The following RNF180 variants were observed in gnomAD, a reference collection of about 807,000 sequenced individuals.
The protein encoded by RNF180 is ring finger protein 180, also known as E3 ubiquitin-protein ligase RNF180.
A neutral mutation model predicts 59.2 loss-of-function variants in RNF180; 38 were observed. The ratio of observed to expected loss-of-function variants is 0.64; its 90% CI spans 0.50 to 0.84. The LOEUF is 0.84. Among genes scored for constraint, RNF180 ranks in the 40% least tolerant of loss-of-function variants. The pLI, the probability that RNF180 is intolerant of heterozygous loss-of-function variation, is 0.00. For synonymous variants in RNF180, 262 were observed against 240.3 expected (o/e 1.09, Z -0.84); for missense variants, 705 against 700.9 (o/e 1.01, Z -0.07).
At chr5:64,221,597 T>G (rs771956014) in intron 5 of RNF180, among the ~76,000 whole-genome samples, 1 of 152,168 alleles carries the variant, frequency 6.6e-6, no homozygotes, top group South Asian at 2.1e-4. Flanking sequence ...TGCAGTCAAG[T>G]TAAATAAATA....
chr5:64,244,291 T>C (rs765122386), intron 5 of RNF180, among the ~76,000 whole-genome samples: 1 of 151,928 alleles, frequency 6.6e-6, no homozygotes, highest in Non-Finnish European at 1.5e-5. Context: ...TAACAAACTC[T>C]TCCAAGCTAA....
chr5:64,231,990 T>C (rs1201722089), intron 5 of RNF180, among the ~76,000 whole-genome samples: 1 of 152,108 alleles, frequency 6.6e-6, no homozygotes, highest in African/African-American at 2.4e-5. Context: ...ACTTAGATTT[T>C]ATTACAGTTT....
chr5:64,321,889 G>GA (rs1332894274), intron 5 of RNF180, among the ~76,000 whole-genome samples: 1 of 152,152 alleles, frequency 6.6e-6, no homozygotes, highest in Non-Finnish European at 1.5e-5. Flanking sequence ...CGACAAACCT[G>GA]ATAAAAACAA....
At chr5:64,354,680 C>G (rs1405272074) in intron 7 of RNF180, among the ~76,000 whole-genome samples, 1 of 151,588 alleles carries the variant, frequency 6.6e-6, no homozygotes, top group East Asian at 1.9e-4. Flanking sequence ...AATATAAATG[C>G]AAAAATTCTC....
Position 64,372,305 on chromosome 5 carries a change from G to C in RNF180, c.*2491G>C, listed in dbSNP as rs1224581403. ...TTTATTTTATACTCAGCAGAAGACA[G>C]GGAAATTTAAATTAGACAAAGTTGA... is the stretch of plus-strand genomic sequence containing the variant. On this transcript the variant is annotated 3_prime_UTR_variant, in exon 8 of 8. Coordinates refer to ENST00000389100, the MANE Select transcript of RNF180 (RefSeq NM_001113561.2). The C allele has an allele frequency of 6.6e-6, 1 of 151,528 alleles. No homozygotes were observed. Among genetic ancestry groups the C allele is most frequent in the Non-Finnish European group, 1.5e-5 (1 of 67,780 alleles). 9.4% of individuals were successfully genotyped at this position (151,528 alleles called of 1,614,324 possible).
At chr5:64,247,430 T>A (rs921029263) in intron 5 of RNF180, among the ~76,000 whole-genome samples, 1 of 152,118 alleles carries the variant, frequency 6.6e-6, no homozygotes, top group Non-Finnish European at 1.5e-5. Flanking sequence ...GGATACAAAA[T>A]CAATGTGCAA....
At chr5:64,186,881 C>T (rs975742518) in intron 1 of RNF180, among the ~76,000 whole-genome samples, 1 of 152,150 alleles carries the variant, frequency 6.6e-6, no homozygotes, top group Non-Finnish European at 1.5e-5. Flanking sequence ...TTTTGTACAA[C>T]TCTCTTAATT....
chr5:64,315,220 A>C (rs931772872), intron 5 of RNF180, among the ~76,000 whole-genome samples: 1 of 152,212 alleles, frequency 6.6e-6, no homozygotes, highest in East Asian at 1.9e-4. Context: ...GTAAGCAAAA[A>C]CAAATTTTAC....
At position 64,165,860 on chromosome 5, in the gene RNF180, G is replaced by GC. The variant is rs1486245715; in HGVS notation, c.-92dup. On this transcript the variant is annotated 5_prime_UTR_variant, in exon 1 of 8. Coordinates refer to ENST00000389100, the MANE Select transcript of RNF180 (RefSeq NM_001113561.2). ...GTCTCGCCGAACCGGCATCGCCGCC[G>GC]CCGGAGCCGCAGCGAGTCCTCAGAG... The GC allele has an allele frequency of 6.6e-6, 1 of 152,098 alleles. No individual in the cohort carries two copies. Among genetic ancestry groups the GC allele is most frequent in the Non-Finnish European group, 1.5e-5 (1 of 68,062 alleles). 9.4% of individuals were successfully genotyped at this position (152,098 alleles called of 1,614,324 possible). A position where few individuals can be genotyped will look rare whatever the true frequency, so the allele number is the denominator to read the frequency against.
chr5:64,223,103 T>C lies in RNF180; in HGVS notation c.1227+5707T>C, dbSNP rs965232153. On this transcript the variant is annotated intron_variant, in intron 5 of 7. Coordinates refer to ENST00000389100, the MANE Select transcript of RNF180 (RefSeq NM_001113561.2). ...GGGCCTTGTGGGGCTGATATCAATA[T>C]GTTGACAGGGTAGTATTTCTTCTGG... Among the ~76,000 whole-genome samples, 5 of 152,336 alleles carry C rather than the reference T, an allele frequency of 3.3e-5. No homozygotes were observed. In the South Asian group the frequency reaches 8.3e-4, roughly 25 times the overall value.
At chr5:64,196,781 T>G (rs1171920499) in intron 1 of RNF180, among the ~76,000 whole-genome samples, 1 of 152,132 alleles carries the variant, frequency 6.6e-6, no homozygotes, top group Non-Finnish European at 1.5e-5. Context: ...AGAATTATTT[T>G]GAGGAGCTGT....
intron 5 of RNF180, among the ~76,000 whole-genome samples, chr5:64,221,359 TA>T (rs1741323344): frequency 1.3e-5 from 2 of 152,248 alleles, no homozygotes; most frequent in Middle Eastern, 6.9e-3. Context: ...AGTCGTTTAG[TA>T]AAGAAGACAA....
At chr5:64,303,108 T>C (rs1279226147) in intron 5 of RNF180, among the ~76,000 whole-genome samples, 1 of 151,654 alleles carries the variant, frequency 6.6e-6, no homozygotes, top group African/African-American at 2.4e-5. Flanking sequence ...CCAGTGAACT[T>C]TGATATTACT....
At chr5:64,202,970 T>G (rs907863631) in intron 2 of RNF180, among the ~76,000 whole-genome samples, 10 of 152,352 alleles carry the variant, frequency 6.6e-5, no homozygotes, top group African/African-American at 2.4e-4. Context: ...CCACACTCTC[T>G]GCTGCCTTTG....
chr5:64,321,853 C>T (rs918732851), intron 5 of RNF180, among the ~76,000 whole-genome samples: 1 of 152,144 alleles, frequency 6.6e-6, no homozygotes, highest in African/African-American at 2.4e-5. Flanking sequence ...AGAAATAACA[C>T]CACACATCTA....
chr5:64,326,119 T>G (rs1292140398), intron 6 of RNF180, among the ~76,000 whole-genome samples: 1 of 152,158 alleles, frequency 6.6e-6, no homozygotes, highest in Non-Finnish European at 1.5e-5. Context: ...GATCTGAGTA[T>G]GTACTACATT....
chr5:64,256,316 C>T (rs565442109), intron 5 of RNF180, among the ~76,000 whole-genome samples: 309 of 152,168 alleles, frequency 2.0e-3, no homozygotes, highest in Non-Finnish European at 3.9e-3. Context: ...TTTTCTTCTT[C>T]GGTTTTTATG....
chr5:64,234,726 A>G (rs1742321724), intron 5 of RNF180, among the ~76,000 whole-genome samples: 1 of 148,948 alleles, frequency 6.7e-6, no homozygotes, highest in Non-Finnish European at 1.5e-5. Flanking sequence ...CAGCCTCCCG[A>G]GTAGCTGGGA....
At chr5:64,302,786 A>G (rs757991678) in intron 5 of RNF180, among the ~76,000 whole-genome samples, 1 of 151,650 alleles carries the variant, frequency 6.6e-6, no homozygotes, top group Non-Finnish European at 1.5e-5. Context: ...CTTTTGTCCA[A>G]GGATTTGTAG....
Sources: gnomAD v4.1 joint callset for allele counts (sites outside exome capture counted in the v4.1 genomes callset) on GRCh38, gnomAD v4.1.1 for gene constraint, MANE v1.5 for transcripts, NCBI Gene and HGNC (gene_info 2026-07-23, HGNC 2026-07-21) for gene names.